PACSIN2: variants seen among roughly 807,000 people sequenced by gnomAD.
The protein encoded by PACSIN2 is protein kinase C and casein kinase substrate in neurons protein 2.
PACSIN2 carries 25 observed loss-of-function variants against 63.8 expected under a neutral mutation model. That is an observed-to-expected ratio of 0.39 (90% CI 0.29 to 0.55). PACSIN2 has a LOEUF of 0.55. Among genes scored for constraint, PACSIN2 ranks in the 20% least tolerant of loss-of-function variants. PACSIN2 has a pLI of 0.62. For missense variants in PACSIN2, 518 were observed against 646.9 expected (o/e 0.80, Z 2.16); for synonymous variants, 255 against 256.2 (o/e 1.00, Z 0.05).
intron 1 of PACSIN2, among the ~76,000 whole-genome samples, chr22:42,950,421 G>GAGAGAGGGA (rs372042795): frequency 2.7e-5 from 4 of 150,808 alleles, no homozygotes; most frequent in East Asian, 2.0e-4. Context: ...GGGAGGGAAG[G>GAGAGAGGGA]GAGTGGGCAG....
chr22:42,900,427 G>A (rs1043887155), intron 2 of PACSIN2, among the ~76,000 whole-genome samples: 1 of 152,122 alleles, frequency 6.6e-6, no homozygotes, highest in African/African-American at 2.4e-5. Context: ...ACTTAATCTT[G>A]TGAGAATGCT....
intron 1 of PACSIN2, among the ~76,000 whole-genome samples, chr22:42,934,179 G>A (rs950720132): frequency 6.6e-6 from 1 of 152,170 alleles, no homozygotes; most frequent in Admixed American, 6.5e-5. Flanking sequence ...AGTTGAGATG[G>A]GAGTATGGAA....
chr22:42,890,295 C>T (rs1190927383), intron 4 of PACSIN2, among the ~76,000 whole-genome samples: 3 of 152,166 alleles, frequency 2.0e-5, no homozygotes, highest in African/African-American at 7.2e-5. Context: ...CCACCGCGCC[C>T]GGCAAGGACT....
chr22:42,888,781 T>C lies in PACSIN2; in HGVS notation c.471A>G (p.Lys157=), dbSNP rs779683163. The C allele has an allele frequency of 1.2e-6, 2 of 1,614,210 alleles. No homozygotes were observed. Among genetic ancestry groups the C allele is most frequent in the Non-Finnish European group, 1.7e-6 (2 of 1,180,016 alleles). Residue 157 remains lysine (K), a synonymous_variant, in exon 5 of 11, where the codon AAA becomes AAG. Transcript: ENST00000263246. ...KKLKEVEAAK[K]AHHAACKEEK... is the part of the protein sequence containing the mutation. ...CCTCTTTGCACGCTGCATGGTGGGCTTTCTTTGCTGCTTCTACCTACAGGG... is the reference window on the plus strand; with the variant it reads ...CCTCTTTGCACGCTGCATGGTGGGCCTTCTTTGCTGCTTCTACCTACAGGG...
At chr22:42,940,007 C>T (rs551083334) in intron 1 of PACSIN2, among the ~76,000 whole-genome samples, 4 of 152,320 alleles carry the variant, frequency 2.6e-5, no homozygotes, top group Admixed American at 2.0e-4. Flanking sequence ...TAGCACCAGA[C>T]ACAATTACTG....
chr22:42,911,594 C>T (rs577790112), intron 2 of PACSIN2, among the ~76,000 whole-genome samples: 1 of 152,322 alleles, frequency 6.6e-6, no homozygotes, highest in African/African-American at 2.4e-5. Flanking sequence ...GGCCCTCTGG[C>T]CACTTGCCTG....
At chr22:42,898,694 T>C (rs1163671806) in intron 2 of PACSIN2, among the ~76,000 whole-genome samples, 6 of 151,774 alleles carry the variant, frequency 4.0e-5, no homozygotes, top group Admixed American at 3.9e-4. Context: ...CCCATGCCCT[T>C]CCCCGAGCCC....
chr22:42,882,446 T>TGGCTCAGGTGGAAGGTCACGGGCCGC, intron 6 of PACSIN2, 142 bp from the exon 7 acceptor site: 1 of 901,796 alleles, frequency 1.1e-6, no homozygotes, highest in East Asian at 2.5e-5. Context: ...ACTCCTCCCT[T>TGGCTCAGGTGGAAGGTCACGGGCCGC]GGCTCAGGTG....
intron 1 of PACSIN2, among the ~76,000 whole-genome samples, chr22:42,943,292 ATTCC>A (rs1933259363): frequency 9.2e-5 from 14 of 151,992 alleles, no homozygotes; most frequent in Admixed American, 8.5e-4. Flanking sequence ...TTTTTTGGTG[ATTCC>A]TTATGATTTT....
At chr22:42,973,839 A>G (rs1303939775) in intron 1 of PACSIN2, among the ~76,000 whole-genome samples, 1 of 152,250 alleles carries the variant, frequency 6.6e-6, no homozygotes, top group Non-Finnish European at 1.5e-5. Context: ...GGGGCACAGC[A>G]TATGCTAAAA....
chr22:42,936,602 T>A (rs1290002710), intron 1 of PACSIN2, among the ~76,000 whole-genome samples: 6 of 152,110 alleles, frequency 3.9e-5, no homozygotes, highest in Non-Finnish European at 7.4e-5. Context: ...TTTACATATA[T>A]CAAAGCAGAA....
chr22:42,936,602 T>G (rs1290002710), intron 1 of PACSIN2, among the ~76,000 whole-genome samples: 1 of 152,110 alleles, frequency 6.6e-6, no homozygotes, highest in Non-Finnish European at 1.5e-5. Flanking sequence ...TTTACATATA[T>G]CAAAGCAGAA....
intron 6 of PACSIN2, among the ~76,000 whole-genome samples, chr22:42,882,858 T>C (rs373963058): frequency 6.6e-6 from 1 of 152,078 alleles, no homozygotes; most frequent in East Asian, 1.9e-4. Context: ...CTGCTGGACC[T>C]GATATTTTCA....
chr22:43,010,030 C>T (rs1040767208), intron 1 of PACSIN2, among the ~76,000 whole-genome samples: 2 of 151,640 alleles, frequency 1.3e-5, no homozygotes, highest in African/African-American at 4.8e-5. Context: ...CCACCATACC[C>T]GACTAATTTT....
At chr22:42,929,791 C>G (rs1210334172) in intron 1 of PACSIN2, among the ~76,000 whole-genome samples, 1 of 152,226 alleles carries the variant, frequency 6.6e-6, no homozygotes, top group Non-Finnish European at 1.5e-5. Flanking sequence ...CAGTATCCTT[C>G]TCCCTCAAAC....
chr22:42,983,795 T>C (rs1922413677), intron 1 of PACSIN2, among the ~76,000 whole-genome samples: 1 of 151,916 alleles, frequency 6.6e-6, no homozygotes, highest in South Asian at 2.1e-4. Context: ...GTATTGTTTT[T>C]TAAGAATCTT....
chr22:42,932,149 C>A (rs1223063994), intron 1 of PACSIN2, among the ~76,000 whole-genome samples: 1 of 152,222 alleles, frequency 6.6e-6, no homozygotes, highest in Non-Finnish European at 1.5e-5. Flanking sequence ...CCTGCTGGCC[C>A]TTCTCTGTCC....
At chr22:42,937,200 A>T (rs1431477296) in intron 1 of PACSIN2, among the ~76,000 whole-genome samples, 1 of 152,136 alleles carries the variant, frequency 6.6e-6, no homozygotes, top group Non-Finnish European at 1.5e-5. Context: ...GACAGAAAGG[A>T]GACTGCTTCT....
chr22:43,011,002 T>C (rs1371081706), intron 1 of PACSIN2, among the ~76,000 whole-genome samples: 1 of 152,198 alleles, frequency 6.6e-6, no homozygotes, highest in Non-Finnish European at 1.5e-5. Flanking sequence ...TGCAGAATAA[T>C]TTGAGAATTC....
Sources: gnomAD v4.1 joint callset for allele counts (sites outside exome capture counted in the v4.1 genomes callset) on GRCh38, gnomAD v4.1.1 for gene constraint, MANE v1.5 for transcripts, NCBI Gene and HGNC (gene_info 2026-07-23, HGNC 2026-07-21) for gene names.